Variants in MAD1L1 observed in about 807,000 individuals in gnomAD.
MAD1L1 encodes the protein mitotic arrest deficient 1 like 1.
A neutral mutation model predicts 96.9 loss-of-function variants in MAD1L1; 95 were observed. The observed-to-expected ratio is 0.98, with a 90% confidence interval of 0.83 to 1.16. MAD1L1 has a LOEUF of 1.16. MAD1L1 is among the 50% of genes most tolerant of loss of function. MAD1L1 has a pLI of 0.00. For missense variants in MAD1L1, 1,007 were observed against 954.4 expected (o/e 1.06, Z -0.73); for synonymous variants, 473 against 396.6 (o/e 1.19, Z -2.29).
At chr7:1,854,898 G>A (rs1048492258) in intron 18 of MAD1L1, among the ~76,000 whole-genome samples, 2 of 152,216 alleles carry the variant, frequency 1.3e-5, no homozygotes, top group Non-Finnish European at 2.9e-5. Context: ...GCCAAACCCC[G>A]AGGGGCAAGT....
chr7:1,936,774 G>C lies in MAD1L1; in HGVS notation c.1720C>G (p.Leu574Val). The stretch of plus-strand genomic sequence containing the variant: ...CCTCCTCTCTCCATGGCGCGCAGGA[G>C]CCCGCGCAGTCGCTCGCACTCCGCC... ...LQAECERLRG[L>V]LRAMERGGTV... The change falls in exon 17 of 19, where the codon CTC becomes GTC. Residue 574 changes from leucine to valine, a missense_variant. By Grantham distance (32) the Leu-to-Val change is conservative. Transcript: ENST00000265854. The C allele has an allele frequency of 6.3e-7, 1 of 1,575,868 alleles. No homozygotes were observed.
At chr7:1,855,442 C>A (rs1212109110) in intron 18 of MAD1L1, among the ~76,000 whole-genome samples, 1 of 152,036 alleles carries the variant, frequency 6.6e-6, no homozygotes, top group East Asian at 1.9e-4. Flanking sequence ...ACTATAACAG[C>A]GGGAGGAAAG....
intron 6 of MAD1L1, among the ~76,000 whole-genome samples, 191 bp from the exon 7 acceptor site, chr7:2,218,234 C>T (rs1298038313): frequency 1.4e-4 from 22 of 152,142 alleles, no homozygotes; most frequent in Admixed American, 1.4e-3. Flanking sequence ...CCCAAGGTCC[C>T]AGGCCCCAGC....
rs189545999 is a variant in MAD1L1, at chr7:2,227,194, G to A, written c.151-1644C>T. Reference sequence around the variant, plus strand: ...ACCTGTAATCTCAGCTACTCGGGAGGCTGAGGAGGGAGAATCACTTGAACC... The same window carrying A: ...ACCTGTAATCTCAGCTACTCGGGAGACTGAGGAGGGAGAATCACTTGAACC... On this transcript the variant is annotated intron_variant, in intron 3 of 18. Coordinates refer to ENST00000265854, the MANE Select transcript of MAD1L1 (RefSeq NM_001013836.2). Among the ~76,000 whole-genome samples the A allele has an allele frequency of 2.0e-5, 3 of 152,110 alleles. No individual in the cohort carries two copies. The East Asian group carries it at 5.8e-4, about 29-fold the overall frequency.
intron 17 of MAD1L1, among the ~76,000 whole-genome samples, chr7:1,908,062 C>A (rs1164341790): frequency 6.6e-6 from 1 of 152,222 alleles, no homozygotes; most frequent in Non-Finnish European, 1.5e-5. Flanking sequence ...CCAGACAGTA[C>A]GTTTGCCCAC....
chr7:1,825,322 T>C (rs1782333492), intron 18 of MAD1L1, among the ~76,000 whole-genome samples: 2 of 152,172 alleles, frequency 1.3e-5, no homozygotes, highest in Non-Finnish European at 2.9e-5. Flanking sequence ...AGGCCGGTGC[T>C]GCCCACCCAC....
In MAD1L1 at chr7:2,059,464, C is replaced by A. The variant is rs550910916; in HGVS notation, c.1218+9730G>T. Among the ~76,000 whole-genome samples the A allele has an allele frequency of 2.7e-4, 34 of 125,080 alleles. 1 individual carries two copies. In the East Asian group the frequency reaches 8.5e-3, roughly 31 times the overall value. The allele number at this position is 125,080 out of a possible 152,430, so 82.1% of individuals were successfully genotyped here. ...CAGCGTGGCCAGAGGAGAGAAGAGG[C>A]GTGGGGCTGGAGAGGGATTGTGGCC... On this transcript the variant is annotated intron_variant, in intron 12 of 18. Coordinates refer to ENST00000265854, the MANE Select transcript of MAD1L1 (RefSeq NM_001013836.2).
At chr7:1,999,264 C>A (rs539301481) in intron 14 of MAD1L1, among the ~76,000 whole-genome samples, 3 of 152,206 alleles carry the variant, frequency 2.0e-5, no homozygotes, top group African/African-American at 7.2e-5. Context: ...CCCCACCCCC[C>A]AGTATTTCTA....
chr7:1,844,907 G>C (rs527326302), intron 18 of MAD1L1, among the ~76,000 whole-genome samples: 2 of 152,244 alleles, frequency 1.3e-5, no homozygotes, highest in Non-Finnish European at 2.9e-5. Context: ...TGCCAGGACG[G>C]AGACAGTATG....
At chr7:2,039,778 T>C (rs965750461) in intron 12 of MAD1L1, among the ~76,000 whole-genome samples, 11 of 152,324 alleles carry the variant, frequency 7.2e-5, no homozygotes, top group Admixed American at 1.3e-4. Flanking sequence ...TTGTCAGATA[T>C]GAAGCTTGCA....
intron 11 of MAD1L1, among the ~76,000 whole-genome samples, chr7:2,100,416 G>A (rs564170491): frequency 6.6e-6 from 1 of 152,322 alleles, no homozygotes; most frequent in African/African-American, 2.4e-5. Flanking sequence ...TTCCTGGAGG[G>A]GGTGCCACAC....
chr7:1,879,850 A>T (rs1394605022), intron 18 of MAD1L1, among the ~76,000 whole-genome samples: 2 of 151,734 alleles, frequency 1.3e-5, no homozygotes, highest in Non-Finnish European at 2.9e-5. Flanking sequence ...CCTGCCTCAG[A>T]CTCCCCAGTA....
At chr7:1,917,219 G>A (rs1316550360) in intron 17 of MAD1L1, among the ~76,000 whole-genome samples, 3 of 152,308 alleles carry the variant, frequency 2.0e-5, no homozygotes, top group East Asian at 1.9e-4. Flanking sequence ...CGAGGGAGCC[G>A]CGGCATGGAG....
At chr7:2,174,825 T>C (rs1387290612) in intron 10 of MAD1L1, among the ~76,000 whole-genome samples, 2 of 152,234 alleles carry the variant, frequency 1.3e-5, no homozygotes, top group Non-Finnish European at 2.9e-5. Context: ...TATCCTTGCA[T>C]AATTTCCATT....
chr7:1,888,052 C>G (rs893607540), intron 18 of MAD1L1, among the ~76,000 whole-genome samples: 4 of 141,526 alleles, frequency 2.8e-5, no homozygotes, highest in Non-Finnish European at 4.6e-5. Context: ...TGTGTGTGAG[C>G]CTTCATCCGT....
intron 18 of MAD1L1, among the ~76,000 whole-genome samples, chr7:1,841,610 G>A (rs1321890076): frequency 1.3e-5 from 2 of 152,250 alleles, no homozygotes. Flanking sequence ...GAGTGGCCGG[G>A]CGCCTGCCTG....
At chr7:1,985,290 A>T (rs1052632886) in intron 14 of MAD1L1, among the ~76,000 whole-genome samples, 1 of 152,226 alleles carries the variant, frequency 6.6e-6, no homozygotes, top group Non-Finnish European at 1.5e-5. Flanking sequence ...TGGTGGCCTG[A>T]GCGGGGCAGC....
At chr7:2,137,348 C>T (rs896697541) in intron 11 of MAD1L1, among the ~76,000 whole-genome samples, 3 of 152,250 alleles carry the variant, frequency 2.0e-5, no homozygotes, top group African/African-American at 7.2e-5. Context: ...AAGGACAGAA[C>T]TGACCCAAGC....
At chr7:2,002,275 AG>A (rs1781833503) in intron 13 of MAD1L1, among the ~76,000 whole-genome samples, 154 bp from the exon 14 acceptor site, 1 of 152,194 alleles carries the variant, frequency 6.6e-6, no homozygotes, top group Non-Finnish European at 1.5e-5. Flanking sequence ...GAGGGTGGGC[AG>A]GGGCCAGTGT....
Sources: allele counts gnomAD v4.1 joint callset (sites outside exome capture counted in the v4.1 genomes callset), GRCh38; gene constraint gnomAD v4.1.1; transcripts MANE v1.5; gene names NCBI Gene and HGNC (gene_info 2026-07-23, HGNC 2026-07-21).